RCOR1: variants seen among roughly 807,000 people sequenced by gnomAD.
RCOR1 encodes REST corepressor.
RCOR1 carries 12 observed loss-of-function variants against 64.0 expected under a neutral mutation model. That is an observed-to-expected ratio of 0.19 (90% CI 0.12 to 0.30). The LOEUF (loss-of-function observed/expected upper bound fraction) is 0.30. Ranked by LOEUF, RCOR1 falls within the 10% of genes least tolerant of loss-of-function variation. The probability of loss-of-function intolerance (pLI) is 1.00; values close to 1 mark genes in which losing one functional copy is unlikely to be tolerated. For missense variants in RCOR1, 502 were observed against 621.2 expected, an observed-to-expected ratio of 0.81 and a Z score of 2.04; for synonymous variants, 279 against 227.2, an observed-to-expected ratio of 1.23 and a Z score of -2.05.
intron 2 of RCOR1, among the ~76,000 whole-genome samples, chr14:102,652,473 C>T (rs2139930674): frequency 6.8e-6 from 1 of 146,830 alleles, no homozygotes; most frequent in East Asian, 2.2e-4. Context: ...AATTCTGTGT[C>T]CTCAAACGCC....
chr14:102,596,602 T>C (rs935787612), intron 2 of RCOR1, among the ~76,000 whole-genome samples: 15 of 152,316 alleles, frequency 9.8e-5, no homozygotes, highest in African/African-American at 3.1e-4. Context: ...TCTCACTCTG[T>C]TGCCCAGGCT....
intron 2 of RCOR1, among the ~76,000 whole-genome samples, chr14:102,654,274 A>G (rs930427951): frequency 6.6e-6 from 1 of 152,028 alleles, no homozygotes; most frequent in Non-Finnish European, 1.5e-5. Flanking sequence ...GGTCTGAGCC[A>G]TTGCGCCCGG....
At chr14:102,611,032 G>A (rs1250861558) in intron 2 of RCOR1, among the ~76,000 whole-genome samples, 1 of 152,094 alleles carries the variant, frequency 6.6e-6, no homozygotes, top group Non-Finnish European at 1.5e-5. Context: ...ATTTGAAAGA[G>A]CAAGTTGAAA....
intron 2 of RCOR1, chr14:102,657,163 T>C: frequency 1.0e-6 from 1 of 984,488 alleles, no homozygotes; most frequent in Non-Finnish European, 1.2e-6. Flanking sequence ...GGGTAGAAAC[T>C]CGTGAAAAAT....
intron 2 of RCOR1, among the ~76,000 whole-genome samples, chr14:102,610,823 G>A (rs997117825): frequency 1.3e-4 from 20 of 152,012 alleles, no homozygotes; most frequent in Non-Finnish European, 4.4e-5. Flanking sequence ...CAAAGTGCAG[G>A]GATTACAGGC....
At chr14:102,644,484 T>A (rs765336660) in intron 2 of RCOR1, among the ~76,000 whole-genome samples, 7 of 152,172 alleles carry the variant, frequency 4.6e-5, no homozygotes, top group Non-Finnish European at 8.8e-5. Context: ...CATTTTCTCA[T>A]TTGGTCACAA....
At chr14:102,659,018 G>A in intron 2 of RCOR1, 1 of 626,950 alleles carries the variant, frequency 1.6e-6, no homozygotes, top group South Asian at 7.1e-5. Context: ...CTCAAGTCGG[G>A]GAGATTTAAG....
intron 2 of RCOR1, among the ~76,000 whole-genome samples, chr14:102,638,733 TCTTGG>T (rs1894296939): frequency 6.6e-6 from 1 of 152,118 alleles, no homozygotes; most frequent in Non-Finnish European, 1.5e-5. Flanking sequence ...AGTGGCACAA[TCTTGG>T]CTTACTGCAA....
chr14:102,705,959 A>G (rs1895844105), intron 4 of RCOR1, among the ~76,000 whole-genome samples: 1 of 151,250 alleles, frequency 6.6e-6, no homozygotes, highest in Admixed American at 6.6e-5. Flanking sequence ...CTACAAAAAA[A>G]AAACTAGCTG....
chr14:102,698,142 TG>T (rs1207402385), intron 3 of RCOR1, among the ~76,000 whole-genome samples: 1 of 152,258 alleles, frequency 6.6e-6, no homozygotes, highest in African/African-American at 2.4e-5. Flanking sequence ...CTACTGTTAC[TG>T]TCTTGTTGTT....
chr14:102,644,888 G>A (rs1894448750), intron 2 of RCOR1, among the ~76,000 whole-genome samples: 1 of 152,168 alleles, frequency 6.6e-6, no homozygotes, highest in South Asian at 2.1e-4. Context: ...GGTTTCTGCT[G>A]AGAATTTTGT....
chr14:102,651,056 C>T (rs1177697998), intron 2 of RCOR1: 1 of 983,062 alleles, frequency 1.0e-6, no homozygotes, highest in Non-Finnish European at 1.2e-6. Context: ...GCTAATAAAA[C>T]TAACATTGTT....
chr14:102,619,520 G>T (rs182849976), intron 2 of RCOR1, among the ~76,000 whole-genome samples: 11 of 139,298 alleles, frequency 7.9e-5, no homozygotes, highest in Admixed American at 2.3e-4. Context: ...TTGCTCTGTT[G>T]CCCAGGCTGG....
At chr14:102,644,341 T>C (rs1894436234) in intron 2 of RCOR1, among the ~76,000 whole-genome samples, 1 of 152,246 alleles carries the variant, frequency 6.6e-6, no homozygotes, top group African/African-American at 2.4e-5. Flanking sequence ...TCTAGTCAGC[T>C]TCAAGGGCAG....
chr14:102,658,714 A>C, intron 2 of RCOR1: 1 of 791,292 alleles, frequency 1.3e-6, no homozygotes, highest in Non-Finnish European at 1.5e-6. Context: ...CATTTTATTT[A>C]GATTCCAATA....
intron 3 of RCOR1, among the ~76,000 whole-genome samples, chr14:102,700,012 A>G (rs772221055): frequency 3.9e-5 from 6 of 152,122 alleles, no homozygotes; most frequent in Non-Finnish European, 7.4e-5. Context: ...AGTAGTACAT[A>G]TTTGAAAGCA....
chr14:102,697,148 TG>T (rs2139974891), intron 3 of RCOR1, among the ~76,000 whole-genome samples: 1 of 152,360 alleles, frequency 6.6e-6, no homozygotes, highest in South Asian at 2.1e-4. Flanking sequence ...GGCTATATTC[TG>T]AGTAAACTCT....
intron 4 of RCOR1, among the ~76,000 whole-genome samples, chr14:102,706,128 A>C (rs988443937): frequency 1.3e-5 from 2 of 148,342 alleles, no homozygotes; most frequent in African/African-American, 2.5e-5. Context: ...AAAAAAAAAA[A>C]AAAAAAAAAA....
At position 102,611,471 on chromosome 14, in the gene RCOR1, G is replaced by A. The variant is rs567155093; in HGVS notation, c.361+18146G>A. 2.0e-5 allele frequency among the ~76,000 whole-genome samples: 3 copies of A among 151,900 alleles called. No individual in the cohort carries two copies. In the East Asian group the frequency reaches 5.8e-4, roughly 29 times the overall value. The stretch of plus-strand genomic sequence containing the variant: ...GATTCTTTTTTTTCTTCCTCTTTTT[G>A]GGTTGTCTTTTCCACCTACTTTGCT... On this transcript the variant is annotated intron_variant, in intron 2 of 11. Transcript: ENST00000262241.
Sources: gnomAD v4.1 joint callset for allele counts (sites outside exome capture counted in the v4.1 genomes callset) on GRCh38, gnomAD v4.1.1 for gene constraint, MANE v1.5 for transcripts, NCBI Gene and HGNC (gene_info 2026-07-23, HGNC 2026-07-21) for gene names.